Variants in SSMEM1 observed in about 807,000 individuals in gnomAD.
SSMEM1 encodes serine-rich single-pass membrane protein 1.
In SSMEM1, 12 loss-of-function variants were observed where a neutral mutation model predicts 9.9. The ratio of observed to expected loss-of-function variants is 1.21; its 90% CI spans 0.78 to 1.96. The LOEUF is 1.96. SSMEM1 is among the 30% of genes most tolerant of loss of function. The pLI is 0.00. For missense variants in SSMEM1, 259 were observed against 292.2 expected (o/e 0.89, Z 0.83); for synonymous variants, 96 against 98.9 (o/e 0.97, Z 0.17).
At chr7:130,210,247 T>G (rs1161196850) in intron 1 of SSMEM1, among the ~76,000 whole-genome samples, 1 of 152,240 alleles carries the variant, frequency 6.6e-6, no homozygotes, top group Non-Finnish European at 1.5e-5. Flanking sequence ...TCAGCTAGAC[T>G]GCTTCTTCTG....
At chr7:130,209,611 G>C (rs968491609) in intron 1 of SSMEM1, among the ~76,000 whole-genome samples, 1 of 152,042 alleles carries the variant, frequency 6.6e-6, no homozygotes, top group Non-Finnish European at 1.5e-5. Context: ...ACGGAGTCTC[G>C]CCCTGTTGCC....
At chr7:130,214,549 C>G (rs541941374) in intron 2 of SSMEM1, among the ~76,000 whole-genome samples, 7 of 152,150 alleles carry the variant, frequency 4.6e-5, no homozygotes, top group African/African-American at 1.4e-4. Flanking sequence ...TTCATTTTTG[C>G]CAGACCCTTG....
At chr7:130,209,963 A>G (rs1242986383) in intron 1 of SSMEM1, among the ~76,000 whole-genome samples, 1 of 152,210 alleles carries the variant, frequency 6.6e-6, no homozygotes, top group Non-Finnish European at 1.5e-5. Context: ...TCAAGAGAGC[A>G]TGTGGTCCAG....
At chr7:130,207,208 C>T (rs1219138255), upstream of SSMEM1, among the ~76,000 whole-genome samples, 1 of 152,168 alleles carries the variant, frequency 6.6e-6, no homozygotes, top group Admixed American at 6.5e-5. Context: ...TGCCATAACG[C>T]AATATCACAG....
intron 1 of SSMEM1, among the ~76,000 whole-genome samples, chr7:130,212,972 C>T (rs1001372383): frequency 3.3e-5 from 5 of 152,152 alleles, no homozygotes; most frequent in African/African-American, 1.2e-4. Context: ...GAAGTAGGAT[C>T]ACTATAACAG....
At chr7:130,215,028 C>T (rs1197402506) in intron 2 of SSMEM1, among the ~76,000 whole-genome samples, 1 of 152,178 alleles carries the variant, frequency 6.6e-6, no homozygotes, top group Non-Finnish European at 1.5e-5. Context: ...TTCCGCCGGG[C>T]GTGGTGGCTC....
rs1182707421 is a variant in SSMEM1 at position 130,213,502 on chromosome 7, A to AAGGCAGTG, written c.207_214dup (p.Gly72GlufsTer9). On this transcript the variant is annotated frameshift_variant, in exon 2 of 3. Coordinates refer to ENST00000297819, the MANE Select transcript of SSMEM1 (RefSeq NM_145268.4). LOFTEE classifies it low-confidence loss of function (END_TRUNC). ...CAGATGTCTGAGGATAAAAAGGATG[A>AAGGCAGTG]AGGCAGTGGGACAAGTACTTCAGTA... 1 of 1,611,574 alleles carries AAGGCAGTG rather than the reference A, an allele frequency of 6.2e-7. No individual in the cohort carries two copies.
intron 1 of SSMEM1, among the ~76,000 whole-genome samples, chr7:130,211,822 A>G (rs910722517): frequency 1.3e-5 from 2 of 152,176 alleles, no homozygotes; most frequent in Non-Finnish European, 2.9e-5. Context: ...CTGTATATAC[A>G]AATTTGCATC....
At chr7:130,205,996 C>T (rs1798452730), upstream of SSMEM1, among the ~76,000 whole-genome samples, 1 of 152,122 alleles carries the variant, frequency 6.6e-6, no homozygotes, top group African/African-American at 2.4e-5. Flanking sequence ...CGCGCCCGGC[C>T]TAAATTCTTA....
At position 130,213,553 on chromosome 7, in the gene SSMEM1, T is replaced by G. The variant is rs758917350; in HGVS notation, c.238+19T>G. 1.2e-6 allele frequency: 2 copies of G among 1,608,660 alleles called. No individual in the cohort carries two copies. Among genetic ancestry groups the G allele is most frequent in the Non-Finnish European group, 1.7e-6 (2 of 1,176,648 alleles). On this transcript the variant is annotated intron_variant, in intron 2 of 2. Transcript: ENST00000297819. The stretch of plus-strand genomic sequence containing the variant: ...AGGAAAGGTGAGAACCAGTGCATAT[T>G]TGGTGTTGGACTATGAGGGGAAGAA...
rs1229875147 is a variant in SSMEM1, at chr7:130,207,962, G to A, written c.52G>A (p.Val18Ile). ...GGAGGTAGATCCTCCCCCAATACCT[G>A]TAAATTGTGCCATTCCAAATCAGGA... ...FWEVDPPPIP[V>I]NCAIPNQDYE... The change falls in exon 1 of 3, where the codon GTA becomes ATA. Residue 18 changes from valine (V) to isoleucine (I), a missense_variant. Transcript: ENST00000297819. The A allele has an allele frequency of 6.2e-7, 1 of 1,614,018 alleles. No individual in the cohort carries two copies.
chr7:130,209,670 C>T (rs1321501585), intron 1 of SSMEM1, among the ~76,000 whole-genome samples: 3 of 152,234 alleles, frequency 2.0e-5, no homozygotes, highest in East Asian at 1.9e-4. Context: ...ACCTCAGCCT[C>T]CTGGGTTCCA....
chr7:130,216,149 G>A lies in SSMEM1; in HGVS notation c.414G>A (p.Val138=). The A allele has an allele frequency of 1.2e-6, 2 of 1,614,194 alleles. No individual in the cohort carries two copies. Among genetic ancestry groups the A allele is most frequent in the Non-Finnish European group, 1.7e-6 (2 of 1,180,034 alleles). The change falls in exon 3 of 3, where the codon GTG becomes GTA. Residue 138 remains valine, a synonymous_variant. Coordinates refer to ENST00000297819, the MANE Select transcript of SSMEM1 (RefSeq NM_145268.4). ...RARRQSQFNE[V]NQNQHDSDTT... The stretch of plus-strand genomic sequence containing the variant: ...GGCGCCAGTCTCAGTTCAATGAGGT[G>A]AACCAGAACCAACATGACAGTGATA...
rs773449027 is a variant in SSMEM1, at chr7:130,216,218, G to A, written c.483G>A (p.Ser161=). The change falls in exon 3 of 3, where the codon TCG becomes TCA. Residue 161 remains serine, a synonymous_variant. Coordinates refer to ENST00000297819, the MANE Select transcript of SSMEM1 (RefSeq NM_145268.4). The part of the protein sequence containing the change: ...GSEESNSEAS[S]WKESESEHHP... The stretch of plus-strand genomic sequence containing the variant: ...AAGAGTCTAACTCAGAAGCCTCCTC[G>A]TGGAAGGAGAGTGAAAGTGAACACC... The A allele has an allele frequency of 2.7e-5, 43 of 1,614,050 alleles. No homozygotes were observed. Among genetic ancestry groups the A allele is most frequent in the Admixed American group, 6.7e-5 (4 of 60,000 alleles).
Position 130,216,741 on chromosome 7 carries a change from C to G in SSMEM1, c.*271C>G. 4.8e-6 allele frequency: 2 copies of G among 420,266 alleles called. No individual in the cohort carries two copies. Among genetic ancestry groups the G allele is most frequent in the South Asian group, 7.0e-5 (2 of 28,512 alleles). 26.0% of individuals were successfully genotyped at this position (420,266 alleles called of 1,614,324 possible). On this transcript the variant is annotated 3_prime_UTR_variant, in exon 3 of 3. Coordinates refer to ENST00000297819, the MANE Select transcript of SSMEM1 (RefSeq NM_145268.4). ...AATAGCACAAGACAGATATTTTGTGCCTTGAGTGTATATATTTTGTGCCTT... is the reference window on the plus strand; with the variant it reads ...AATAGCACAAGACAGATATTTTGTGGCTTGAGTGTATATATTTTGTGCCTT...
upstream of SSMEM1, among the ~76,000 whole-genome samples, chr7:130,206,059 G>T (rs945263179): frequency 6.6e-6 from 1 of 152,214 alleles, no homozygotes; most frequent in Non-Finnish European, 1.5e-5. Flanking sequence ...TTGTTTTATT[G>T]AAGTTGCTAG....
chr7:130,216,647 A>G lies in SSMEM1; in HGVS notation c.*177A>G. ...CACAATTCTTCGTTCAAAAAAAAAA[A>G]GGCCATCACGTGTTTATGGCACCAT... On this transcript the variant is annotated 3_prime_UTR_variant, in exon 3 of 3. Transcript: ENST00000297819. 4.0e-6 allele frequency: 3 copies of G among 748,826 alleles called. No individual in the cohort carries two copies. Among genetic ancestry groups the G allele is most frequent in the South Asian group, 2.0e-5 (1 of 50,360 alleles). The allele number at this position is 748,826 out of a possible 1,614,324, so 46.4% of individuals were successfully genotyped here.
At chr7:130,215,905 C>T in intron 2 of SSMEM1, 69 bp from the exon 3 acceptor site, 1 of 1,560,498 alleles carries the variant, frequency 6.4e-7, no homozygotes, top group Non-Finnish European at 8.7e-7. Context: ...CGTGCACAGG[C>T]TTCTTAAGTA....
rs1798718431 is a variant in SSMEM1 at position 130,216,723 on chromosome 7, C to G, written c.*253C>G. 4.2e-6 allele frequency: 2 copies of G among 478,514 alleles called. No homozygotes were observed. The highest frequency in any genetic ancestry group is 7.4e-6 in the Non-Finnish European group (2 of 271,990). 29.6% of individuals were successfully genotyped at this position (478,514 alleles called of 1,614,324 possible). On this transcript the variant is annotated 3_prime_UTR_variant, in exon 3 of 3. Coordinates refer to ENST00000297819, the MANE Select transcript of SSMEM1 (RefSeq NM_145268.4). ...TATGATTTTTTTATTTGAAATAGCA[C>G]AAGACAGATATTTTGTGCCTTGAGT...
Sources: gnomAD v4.1 joint callset for allele counts (sites outside exome capture counted in the v4.1 genomes callset) on GRCh38, gnomAD v4.1.1 for gene constraint, MANE v1.5 for transcripts, NCBI Gene and HGNC (gene_info 2026-07-23, HGNC 2026-07-21) for gene names.